The following HTT variants were observed in gnomAD, a reference collection of about 807,000 sequenced individuals.
HTT encodes the protein huntingtin.
HTT carries 104 observed loss-of-function variants against 362.3 expected under a neutral mutation model. The observed-to-expected ratio is 0.29, with a 90% CI of 0.24 to 0.34. The LOEUF (loss-of-function observed/expected upper bound fraction) is 0.34. Among genes scored for constraint, HTT ranks in the 10% least tolerant of loss-of-function variants. The pLI is 1.00. For missense variants in HTT, 3,301 were observed against 3,928.6 expected, an observed-to-expected ratio of 0.84 and a Z score of 4.27; for synonymous variants, 1,577 against 1,548.7, an observed-to-expected ratio of 1.02 and a Z score of -0.43.
intron 23 of HTT, among the ~76,000 whole-genome samples, chr4:3,144,922 G>A (rs1460246876): frequency 6.6e-6 from 1 of 152,116 alleles, no homozygotes; most frequent in African/African-American, 2.4e-5. Context: ...CAGGGTGTGG[G>A]CAGCACAGGA....
At chr4:3,235,062 G>A (rs958718963) in intron 61 of HTT, among the ~76,000 whole-genome samples, 1 of 152,158 alleles carries the variant, frequency 6.6e-6, no homozygotes, top group South Asian at 2.1e-4. Context: ...AGAGGGCAGG[G>A]CGTTGGGGAG....
At chr4:3,208,725 A>G (rs1461384669) in intron 45 of HTT, 48 bp from the exon 46 acceptor site, 4 of 1,532,602 alleles carry the variant, frequency 2.6e-6, no homozygotes, top group African/African-American at 1.4e-5. Context: ...AGACTAAAAA[A>G]AAAAAAAAAC....
chr4:3,188,129 G>A (rs778352528), intron 39 of HTT: 102 of 392,624 alleles, frequency 2.6e-4, no homozygotes, highest in Non-Finnish European at 2.3e-5. Context: ...GCAGTGGCTC[G>A]CCTCAGGCAG....
chr4:3,135,948 G>C lies in HTT; in HGVS notation c.2678G>C (p.Gly893Ala). 1 of 1,603,568 alleles carries C rather than the reference G, an allele frequency of 6.2e-7. No homozygotes were observed. The highest frequency in any genetic ancestry group is 2.3e-5 in the East Asian group (1 of 44,440). The part of the protein sequence containing the change: ...LEAKAENLHR[G>A]AHHYTGLLKL... ...GCAAAAGCAGAAAACTTACACAGAG[G>C]GGCTCATCATTATACAGGGGTAAGC... Residue 893 changes from glycine to alanine, a missense_variant, in exon 20 of 67, where the codon GGG becomes GCG. Physicochemically the swap from Gly to Ala is moderately conservative, Grantham distance 60 (BLOSUM62 0). This residue lies in a region of HTT where 2,316 missense variants were observed against 2,658.5 expected (regional missense o/e 0.87). Transcript: ENST00000355072.
At chr4:3,084,572 C>G (rs1448878023) in intron 1 of HTT, among the ~76,000 whole-genome samples, 1 of 151,916 alleles carries the variant, frequency 6.6e-6, no homozygotes, top group African/African-American at 2.4e-5. Context: ...CACCTGTAGT[C>G]CCAGCTACTT....
chr4:3,231,522 G>A (rs1435186167), intron 60 of HTT, among the ~76,000 whole-genome samples: 3 of 152,164 alleles, frequency 2.0e-5, no homozygotes, highest in Non-Finnish European at 4.4e-5. Context: ...GTGACCTGGA[G>A]CCTGACTCCC....
intron 26 of HTT, among the ~76,000 whole-genome samples, chr4:3,150,976 T>C (rs1434074181): frequency 6.6e-6 from 1 of 152,076 alleles, no homozygotes; most frequent in African/African-American, 2.4e-5. Flanking sequence ...GAGGCGGAGC[T>C]TGCAGTGAGC....
rs746873345 is a variant in HTT, at chr4:3,130,009, C to T, written c.1829C>T (p.Pro610Leu). Residue 610 changes from proline to leucine, a missense_variant, in exon 13 of 67, where the codon CCT (proline) becomes CTT (leucine). Physicochemically the swap from Pro to Leu is moderately conservative, Grantham distance 98. Transcript: ENST00000355072. The stretch of plus-strand genomic sequence containing the variant: ...GATGAGGAAGCCACAGGTATTCTTC[C>T]TGATGAAGCCTCGGAGGCCTTCAGG... ...DEDEEATGIL[P>L]DEASEAFRNS... The T allele has an allele frequency of 6.2e-7, 1 of 1,613,516 alleles. No individual in the cohort carries two copies. Among genetic ancestry groups the T allele is most frequent in the Non-Finnish European group, 8.5e-7 (1 of 1,179,748 alleles).
At chr4:3,127,906 A>G (rs1041728327) in intron 12 of HTT, among the ~76,000 whole-genome samples, 2 of 151,708 alleles carry the variant, frequency 1.3e-5, no homozygotes, top group Non-Finnish European at 2.9e-5. Context: ...AGAGGTTGCA[A>G]TGAGCCGAGA....
rs1719915806 is a variant in HTT at position 3,207,323 on chromosome 4, C to G, written c.6118C>G (p.Gln2040Glu). 6.2e-7 allele frequency: 1 copy of G among 1,613,702 alleles called. No individual in the cohort carries two copies. Among genetic ancestry groups the G allele is most frequent in the Admixed American group, 1.7e-5 (1 of 59,964 alleles). Residue 2040 changes from glutamine to glutamate, a missense_variant, in exon 45 of 67, where the codon CAG becomes GAG. Gln to Glu is a conservative substitution (Grantham distance 29). Around this residue, in one of 4 missense-constraint regions of HTT, gnomAD observed 2,316 missense variants for 2,658.5 expected, o/e 0.87. Coordinates refer to ENST00000355072, the MANE Select transcript of HTT (RefSeq NM_001388492.1). ...GCCAATGGAAGAACTCAACAGAATCCAGGAATACCTTCAGAGCAGCGGGCT... is the reference window on the plus strand; with the variant it reads ...GCCAATGGAAGAACTCAACAGAATCGAGGAATACCTTCAGAGCAGCGGGCT... ...QLPMEELNRI[Q>E]EYLQSSGLAQ...
chr4:3,139,904 A>G (rs1716257086), intron 21 of HTT, among the ~76,000 whole-genome samples: 1 of 152,230 alleles, frequency 6.6e-6, no homozygotes, highest in African/African-American at 2.4e-5. Context: ...TTGGTTTTTA[A>G]TTAAAGCATT....
At chr4:3,083,087 A>T (rs1713002512) in intron 1 of HTT, among the ~76,000 whole-genome samples, 1 of 152,214 alleles carries the variant, frequency 6.6e-6, no homozygotes, top group Non-Finnish European at 1.5e-5. Flanking sequence ...TTTGAGAACC[A>T]GTAAGGAGGC....
Position 3,228,495 on chromosome 4 carries a change from C to G in HTT, c.7849-120C>G, listed in dbSNP as rs569307706. On this transcript the variant is annotated intron_variant, in intron 57 of 66. Transcript: ENST00000355072. This position sits in a 1 kb window ranked among gnomAD's most constrained non-coding sequence, Gnocchi z 4.3. ...CCGTAACCTGGGGTGTCTGAACGAC[C>G]CTTGCTAAGGGGCAGACTGTTAGAC... is the stretch of plus-strand genomic sequence containing the variant. The G allele has an allele frequency of 2.5e-6, 3 of 1,206,536 alleles. No individual in the cohort carries two copies. The South Asian group carries it at 6.0e-5, about 24-fold the overall frequency. 74.7% of individuals were successfully genotyped at this position (1,206,536 alleles called of 1,614,324 possible). A position where few individuals can be genotyped will look rare whatever the true frequency, so the allele number is the denominator to read the frequency against.
At chr4:3,132,233 T>C (rs955471147) in intron 16 of HTT, among the ~76,000 whole-genome samples, 14 of 152,176 alleles carry the variant, frequency 9.2e-5, no homozygotes, top group Admixed American at 8.5e-4. Flanking sequence ...TTTTTGAATT[T>C]ATATGAGGTA....
At position 3,145,182 on chromosome 4, in the gene HTT, T is replaced by C. The variant is rs1237847168; in HGVS notation, c.3097T>C (p.Ser1033Pro). The C allele has an allele frequency of 1.2e-6, 2 of 1,614,032 alleles. No homozygotes were observed. The highest frequency in any genetic ancestry group is 1.1e-5 in the South Asian group (1 of 91,078). ...ATGCTGTGAAGCTTTGTGTCTTCTTTCCACTGCCTTCCCAGTTTGCATTTG... is the reference window on the plus strand; with the variant it reads ...ATGCTGTGAAGCTTTGTGTCTTCTTCCCACTGCCTTCCCAGTTTGCATTTG... ...FGCCEALCLL[S>P]TAFPVCIWSL... Residue 1033 changes from serine to proline, a missense_variant, in exon 24 of 67, where the codon TCC becomes CCC. Around this residue, in one of 4 missense-constraint regions of HTT, gnomAD observed 2,316 missense variants for 2,658.5 expected, o/e 0.87. Coordinates refer to ENST00000355072, the MANE Select transcript of HTT (RefSeq NM_001388492.1).
chr4:3,113,095 A>C (rs980283669), intron 6 of HTT: 1 of 769,412 alleles, frequency 1.3e-6, no homozygotes, highest in Non-Finnish European at 1.6e-6. Context: ...TCTATTCTAA[A>C]ATACAGTATG....
chr4:3,166,729 G>A (rs1055299458), intron 29 of HTT, among the ~76,000 whole-genome samples: 6 of 152,272 alleles, frequency 3.9e-5, no homozygotes, highest in Non-Finnish European at 5.9e-5. Context: ...CCCCATGGGC[G>A]TGGGACCCGC....
chr4:3,084,982 C>T (rs1433962024), intron 1 of HTT, among the ~76,000 whole-genome samples: 1 of 150,404 alleles, frequency 6.6e-6, no homozygotes, highest in East Asian at 2.0e-4. Flanking sequence ...CCACTGCACT[C>T]CAGCCTGGGC....
chr4:3,187,334 T>C (rs1398407572), intron 38 of HTT, among the ~76,000 whole-genome samples: 7 of 151,810 alleles, frequency 4.6e-5, no homozygotes, highest in Non-Finnish European at 8.8e-5. Context: ...TTTTTGTATT[T>C]TTAGTAGAGA....
Sources: gnomAD v4.1 joint callset for allele counts (sites outside exome capture counted in the v4.1 genomes callset) on GRCh38, gnomAD v4.1.1 for gene constraint, gnomAD v4.1.1 regional missense constraint, Gnocchi (gnomAD v3.1) non-coding constraint, MANE v1.5 for transcripts, NCBI Gene and HGNC (gene_info 2026-07-23, HGNC 2026-07-21) for gene names.